Variants in AGBL4 observed in about 807,000 individuals in gnomAD.
The protein encoded by AGBL4 is AGBL carboxypeptidase 4.
AGBL4 carries 58 observed loss-of-function variants against 66.4 expected under a neutral mutation model. The ratio of observed to expected loss-of-function variants is 0.87; its 90% CI spans 0.71 to 1.09. The LOEUF (loss-of-function observed/expected upper bound fraction) is 1.09, where lower values mean the gene tolerates loss of function less well. Ranked by LOEUF, AGBL4 falls within the 50% of genes least tolerant of loss-of-function variation. The probability of loss-of-function intolerance (pLI) is 0.00; values close to 1 mark genes in which losing one functional copy is unlikely to be tolerated. For missense variants in AGBL4, 579 were observed against 631.0 expected (o/e 0.92, Z 0.88); for synonymous variants, 234 against 222.9 (o/e 1.05, Z -0.44).
chr1:50,019,304 T>TCACACACA (rs796097397), intron 1 of AGBL4, among the ~76,000 whole-genome samples: 1,513 of 46,782 alleles, frequency 0.032, 11 homozygotes, highest in Middle Eastern at 0.048. Context: ...TCTCTCTCTC[T>TCACACACA]CTCACACACA....
At chr1:49,457,801 G>A (rs368180039) in intron 3 of AGBL4, among the ~76,000 whole-genome samples, 20 of 151,548 alleles carry the variant, frequency 1.3e-4, no homozygotes, top group African/African-American at 3.1e-4. Context: ...TCCCAGCACC[G>A]TTTGTTGAAT....
chr1:49,899,629 G>A (rs536119899), intron 1 of AGBL4, among the ~76,000 whole-genome samples: 71 of 152,028 alleles, frequency 4.7e-4, no homozygotes, highest in Non-Finnish European at 7.5e-4. Context: ...ATTAAATGAC[G>A]GCTTTCTTTG....
At chr1:49,745,616 G>GA (rs35859522) in intron 2 of AGBL4, among the ~76,000 whole-genome samples, 1 of 151,368 alleles carries the variant, frequency 6.6e-6, no homozygotes, top group East Asian at 1.9e-4. Context: ...TATATTACTA[G>GA]AAAAAAAGGA....
At chr1:49,090,303 G>C (rs12746986) in intron 4 of AGBL4, among the ~76,000 whole-genome samples, 3 of 152,064 alleles carry the variant, frequency 2.0e-5, no homozygotes, top group Admixed American at 1.3e-4. Flanking sequence ...GACTATCCCC[G>C]TTTGCAGACT....
At chr1:49,928,526 G>T (rs1236449822) in intron 1 of AGBL4, among the ~76,000 whole-genome samples, 3 of 152,152 alleles carry the variant, frequency 2.0e-5, no homozygotes, top group Non-Finnish European at 4.4e-5. Context: ...TGAGATTACA[G>T]GCGTGAGCCA....
chr1:48,669,933 T>A (rs1421117394), intron 6 of AGBL4, among the ~76,000 whole-genome samples: 1 of 152,130 alleles, frequency 6.6e-6, no homozygotes. Flanking sequence ...TAGGCTCAGA[T>A]CTCCCATGGC....
chr1:49,461,246 G>A (rs2148698490), intron 3 of AGBL4, among the ~76,000 whole-genome samples: 1 of 151,578 alleles, frequency 6.6e-6, no homozygotes, highest in East Asian at 2.0e-4. Context: ...ATTATTCTTA[G>A]GTTTGGATGC....
intron 3 of AGBL4, among the ~76,000 whole-genome samples, chr1:49,649,678 C>CA (rs1645962987): frequency 6.6e-6 from 1 of 152,118 alleles, no homozygotes; most frequent in Non-Finnish European, 1.5e-5. Context: ...CATCCAACAA[C>CA]AGAAGAATAT....
At chr1:49,699,778 G>A (rs576264316) in intron 2 of AGBL4, among the ~76,000 whole-genome samples, 125 of 151,980 alleles carry the variant, frequency 8.2e-4, no homozygotes, top group Non-Finnish European at 1.5e-3. Context: ...TCAAAGAGTA[G>A]AAAATCACAG....
At chr1:49,288,285 A>G (rs1348364984) in intron 3 of AGBL4, among the ~76,000 whole-genome samples, 1 of 150,854 alleles carries the variant, frequency 6.6e-6, no homozygotes, top group South Asian at 2.1e-4. Context: ...TAGTGGGTGC[A>G]GCACACCAGC....
At chr1:48,731,874 G>C (rs1648194197) in intron 6 of AGBL4, among the ~76,000 whole-genome samples, 1 of 152,146 alleles carries the variant, frequency 6.6e-6, no homozygotes, top group Non-Finnish European at 1.5e-5. Context: ...GCTGTGACTG[G>C]GTGGTGGTCA....
intron 4 of AGBL4, among the ~76,000 whole-genome samples, chr1:49,099,101 A>T (rs1173010640): frequency 6.6e-6 from 1 of 152,188 alleles, no homozygotes; most frequent in Non-Finnish European, 1.5e-5. Context: ...GGTTCTTTTC[A>T]TATAAATGTC....
chr1:49,787,726 T>G (rs1043140456), intron 2 of AGBL4, among the ~76,000 whole-genome samples: 1 of 152,084 alleles, frequency 6.6e-6, no homozygotes, highest in Non-Finnish European at 1.5e-5. Flanking sequence ...CGGGGTGAAG[T>G]CTGGAGAAAA....
intron 4 of AGBL4, among the ~76,000 whole-genome samples, chr1:49,056,874 G>A (rs1644318109): frequency 6.6e-6 from 1 of 152,058 alleles, no homozygotes; most frequent in East Asian, 1.9e-4. Context: ...AGTCAAAAAT[G>A]GTATCAATTT....
intron 1 of AGBL4, among the ~76,000 whole-genome samples, chr1:49,903,993 C>G (rs959916635): frequency 5.3e-5 from 8 of 152,018 alleles, no homozygotes; most frequent in African/African-American, 1.9e-4. Context: ...TGGCAGGGAG[C>G]AGACAATGGA....
chr1:49,903,471 T>C (rs1649975165), intron 1 of AGBL4, among the ~76,000 whole-genome samples: 1 of 152,042 alleles, frequency 6.6e-6, no homozygotes, highest in Non-Finnish European at 1.5e-5. Flanking sequence ...TTTACCTATA[T>C]AACAAGTCTG....
intron 1 of AGBL4, among the ~76,000 whole-genome samples, chr1:49,973,894 T>C (rs995444859): frequency 6.6e-6 from 1 of 151,810 alleles, no homozygotes; most frequent in Non-Finnish European, 1.5e-5. Context: ...ATAAGAGATA[T>C]CTAACAGTAC....
chr1:49,557,023 C>A (rs1031932472), intron 3 of AGBL4, among the ~76,000 whole-genome samples: 35 of 152,088 alleles, frequency 2.3e-4, no homozygotes, highest in African/African-American at 8.0e-4. Context: ...GCCCAGCCCT[C>A]GCTCACTCGG....
At chr1:48,943,248 T>C (rs1186888531) in intron 5 of AGBL4, among the ~76,000 whole-genome samples, 3 of 152,090 alleles carry the variant, frequency 2.0e-5, no homozygotes, top group Non-Finnish European at 4.4e-5. Flanking sequence ...TGGGAGAAAG[T>C]GGGGTGGAGG....
Sources: allele counts gnomAD v4.1 joint callset (sites outside exome capture counted in the v4.1 genomes callset), GRCh38; gene constraint gnomAD v4.1.1; transcripts MANE v1.5; gene names NCBI Gene and HGNC (gene_info 2026-07-23, HGNC 2026-07-21).